Variants in RAB38 observed in about 807,000 individuals in gnomAD.
RAB38 encodes the protein ras-related protein Rab-38.
In RAB38, 15 loss-of-function variants were observed where a neutral mutation model predicts 18.4. That is an observed-to-expected ratio of 0.82 (90% CI 0.55 to 1.26). The LOEUF (loss-of-function observed/expected upper bound fraction) is 1.26. Ranked by LOEUF, RAB38 falls within the 50% of genes most tolerant of loss-of-function variation. The probability of loss-of-function intolerance (pLI) is 0.00; values close to 1 mark genes in which losing one functional copy is unlikely to be tolerated. For missense variants in RAB38, 294 were observed against 267.4 expected, an observed-to-expected ratio of 1.10 and a Z score of -0.69; for synonymous variants, 101 against 104.4, an observed-to-expected ratio of 0.97 and a Z score of 0.20.
At chr11:88,094,126 A>G in the RAB38 span, among the ~76,000 whole-genome samples, 1 of 151,896 alleles carries the variant, frequency 6.6e-6, no homozygotes, top group South Asian at 2.1e-4. Flanking sequence ...ATAAATACTG[A>G]GTACAATAGG....
At chr11:87,965,636 T>C in the RAB38 span, among the ~76,000 whole-genome samples, 138 of 152,254 alleles carry the variant, frequency 9.1e-4, 2 homozygotes, top group South Asian at 0.025. Context: ...ACTACATTGA[T>C]CAGGACAGTT....
the RAB38 span, among the ~76,000 whole-genome samples, chr11:88,030,491 T>C: frequency 6.6e-6 from 1 of 150,844 alleles, no homozygotes; most frequent in Admixed American, 6.6e-5. Context: ...GCAAGACTAA[T>C]AAAGAAAAAA....
At chr11:87,828,621 G>C in the RAB38 span, among the ~76,000 whole-genome samples, 1 of 152,176 alleles carries the variant, frequency 6.6e-6, no homozygotes, top group Non-Finnish European at 1.5e-5. Context: ...CAGAGGGCAA[G>C]TGCTGGACAG....
At chr11:88,158,618 T>C (rs1943153444) in intron 1 of RAB38, among the ~76,000 whole-genome samples, 1 of 152,074 alleles carries the variant, frequency 6.6e-6, no homozygotes, top group Non-Finnish European at 1.5e-5. Flanking sequence ...TCAACATATA[T>C]AAATCAATAA....
At chr11:88,125,855 C>T (rs1220621194) in intron 2 of RAB38, among the ~76,000 whole-genome samples, 2 of 152,146 alleles carry the variant, frequency 1.3e-5, no homozygotes, top group African/African-American at 4.8e-5. Flanking sequence ...TTAGATCTAA[C>T]ATTTAAGTCT....
the RAB38 span, among the ~76,000 whole-genome samples, chr11:87,811,406 C>G: frequency 6.6e-6 from 1 of 152,196 alleles, no homozygotes; most frequent in African/African-American, 2.4e-5. Flanking sequence ...GGGAACCACG[C>G]TCATGCCTAT....
At chr11:87,959,704 T>G in the RAB38 span, among the ~76,000 whole-genome samples, 1 of 152,192 alleles carries the variant, frequency 6.6e-6, no homozygotes, top group Non-Finnish European at 1.5e-5. Context: ...ATCACTTCTT[T>G]AAAATAAAAT....
intron 1 of RAB38, among the ~76,000 whole-genome samples, chr11:88,159,758 G>T (rs1422121831): frequency 6.6e-6 from 1 of 151,966 alleles, no homozygotes; most frequent in Non-Finnish European, 1.5e-5. Flanking sequence ...AGTGGTGCTG[G>T]GATAGCTGCC....
At chr11:88,047,211 C>T in the RAB38 span, among the ~76,000 whole-genome samples, 1 of 152,150 alleles carries the variant, frequency 6.6e-6, no homozygotes, top group Admixed American at 6.5e-5. Context: ...GTTGAGTCTC[C>T]CACAATTACC....
chr11:88,161,948 C>T (rs1039644375), intron 1 of RAB38, among the ~76,000 whole-genome samples: 1 of 151,982 alleles, frequency 6.6e-6, no homozygotes, highest in African/African-American at 2.4e-5. Flanking sequence ...TAGGGAGTAA[C>T]AGTGTGGAAA....
chr11:87,879,826 C>G, the RAB38 span: 5 of 151,544 alleles, frequency 3.3e-5, no homozygotes, highest in African/African-American at 1.2e-4. Context: ...AATGGTATCT[C>G]CTCACATTGT....
At chr11:88,147,182 TTTG>T (rs975291042) in intron 2 of RAB38, among the ~76,000 whole-genome samples, 5 of 152,306 alleles carry the variant, frequency 3.3e-5, no homozygotes, top group East Asian at 1.9e-4. Flanking sequence ...ATATTTATGT[TTTG>T]TTGTTGTTTT....
downstream of RAB38, among the ~76,000 whole-genome samples, chr11:88,112,599 C>A (rs1005754288): frequency 1.3e-5 from 2 of 152,196 alleles, no homozygotes; most frequent in East Asian, 1.9e-4. Context: ...TCCTGATAAA[C>A]CTCGTCTCTA....
chr11:88,126,791 A>T (rs1942701176), intron 2 of RAB38, among the ~76,000 whole-genome samples: 1 of 152,126 alleles, frequency 6.6e-6, no homozygotes, highest in Admixed American at 6.6e-5. Context: ...CCTCTCTCTC[A>T]GCCTGTTTCT....
chr11:88,072,180 A>G, the RAB38 span, among the ~76,000 whole-genome samples: 8 of 152,232 alleles, frequency 5.3e-5, no homozygotes, highest in African/African-American at 1.9e-4. Flanking sequence ...TAAAAAATCT[A>G]TGGGGGAATT....
At chr11:87,821,725 C>T in the RAB38 span, among the ~76,000 whole-genome samples, 2,620 of 151,934 alleles carry the variant, frequency 0.017, 41 homozygotes, top group Non-Finnish European at 0.025. Context: ...GTGGTGGGTA[C>T]CTGTAATCTC....
chr11:88,138,063 G>C (rs1440590054), intron 2 of RAB38, among the ~76,000 whole-genome samples: 2 of 152,110 alleles, frequency 1.3e-5, no homozygotes, highest in African/African-American at 4.8e-5. Flanking sequence ...CAGCAAAACA[G>C]GACAAATAAA....
chr11:88,044,117 C>T, the RAB38 span, among the ~76,000 whole-genome samples: 1 of 152,226 alleles, frequency 6.6e-6, no homozygotes, highest in African/African-American at 2.4e-5. Flanking sequence ...GGACTCAAAA[C>T]TCTGGTGCCG....
chr11:87,906,601 G>T, the RAB38 span, among the ~76,000 whole-genome samples: 1 of 151,766 alleles, frequency 6.6e-6, no homozygotes, highest in Non-Finnish European at 1.5e-5. Flanking sequence ...TAAAAACAGG[G>T]TATAAATGTA....
Sources: allele counts gnomAD v4.1 joint callset (sites outside exome capture counted in the v4.1 genomes callset), GRCh38; gene constraint gnomAD v4.1.1; transcripts MANE v1.5; gene names NCBI Gene and HGNC (gene_info 2026-07-23, HGNC 2026-07-21).